The following TMX2 variants were observed in gnomAD, a reference collection of about 807,000 sequenced individuals.
TMX2 encodes the protein thioredoxin related transmembrane protein 2.
Under a neutral mutation model 33.4 loss-of-function variants are expected in TMX2, and 20 were observed. That is an observed-to-expected ratio of 0.60 (90% CI 0.42 to 0.87). The LOEUF (loss-of-function observed/expected upper bound fraction) is 0.87, where lower values mean the gene tolerates loss of function less well. TMX2 is among the 40% of genes least tolerant of loss of function. The pLI, the probability that TMX2 is intolerant of heterozygous loss-of-function variation, is 0.00. For synonymous variants in TMX2, 166 were observed against 140.7 expected, an observed-to-expected ratio of 1.18 and a Z score of -1.27; for missense variants, 340 against 370.7, an observed-to-expected ratio of 0.92 and a Z score of 0.68.
Position 57,740,251 on chromosome 11 carries a change from T to A in TMX2, c.*6T>A. 6.3e-7 allele frequency: 1 copy of A among 1,583,164 alleles called. No individual in the cohort carries two copies. Among genetic ancestry groups the A allele is most frequent in the South Asian group, 1.2e-5 (1 of 86,344 alleles). On this transcript the variant is annotated 3_prime_UTR_variant, in exon 8 of 8. Coordinates refer to ENST00000278422, the MANE Select transcript of TMX2 (RefSeq NM_015959.4). ...AAAACAAGAAGGATAAATAAGATCC[T>A]CACTTTGGCAGTGCTTCCTCTCCTG... is the stretch of plus-strand genomic sequence containing the variant.
chr11:57,718,570 T>G, intron 1 of TMX2: 1 of 615,070 alleles, frequency 1.6e-6, no homozygotes, highest in Non-Finnish European at 3.0e-6. Context: ...CAGCAAAGCC[T>G]CTTTGCCCAA....
chr11:57,738,203 CTG>C lies in TMX2; in HGVS notation c.365-149_365-148del, dbSNP rs1948868330. On this transcript the variant is annotated intron_variant, in intron 3 of 7. Transcript: ENST00000278422. Reference sequence around the variant, plus strand: ...CTCAGATGATAACAGTTTACAGAGACTGTTATTGTAGAGGTAGGGAATGTGTT... The same window carrying C: ...CTCAGATGATAACAGTTTACAGAGACTTATTGTAGAGGTAGGGAATGTGTT... The C allele has an allele frequency of 5.4e-6, 4 of 745,138 alleles. No homozygotes were observed. The South Asian group carries it at 6.9e-5, about 13-fold the overall frequency. The allele number at this position is 745,138 out of a possible 1,614,324, so 46.2% of individuals were successfully genotyped here.
intron 4 of TMX2, 36 bp downstream of exon 4, chr11:57,738,466 C>G: frequency 1.3e-6 from 2 of 1,516,834 alleles, no homozygotes; most frequent in Non-Finnish European, 1.8e-6. Flanking sequence ...TCTTGGGTCC[C>G]TTGTGGGTGA....
chr11:57,717,966 G>T, intron 1 of TMX2: 1 of 732,842 alleles, frequency 1.4e-6, no homozygotes, highest in Non-Finnish European at 2.5e-6. Flanking sequence ...AGCAAATGGG[G>T]TAGAGGGGTG....
intron 1 of TMX2, among the ~76,000 whole-genome samples, chr11:57,726,647 A>G (rs975856100): frequency 6.6e-6 from 1 of 152,196 alleles, no homozygotes; most frequent in African/African-American, 2.4e-5. Flanking sequence ...CTCCTGTGAC[A>G]AAACCTTTTC....
chr11:57,738,639 G>C, intron 4 of TMX2, 25 bp from the exon 5 acceptor site: 1 of 1,600,216 alleles, frequency 6.2e-7, no homozygotes, highest in Non-Finnish European at 8.6e-7. Context: ...GGATCCAGCT[G>C]ACTTTTCTTC....
chr11:57,738,217 G>A (rs756419512), intron 3 of TMX2, 137 bp from the exon 4 acceptor site: 103 of 759,044 alleles, frequency 1.4e-4, no homozygotes, highest in Non-Finnish European at 2.1e-4. Context: ...TATTGTAGAG[G>A]TAGGGAATGT....
intron 1 of TMX2, among the ~76,000 whole-genome samples, chr11:57,737,281 G>C (rs1179380055): frequency 6.6e-6 from 1 of 152,102 alleles, no homozygotes; most frequent in Non-Finnish European, 1.5e-5. Context: ...TTAGCCGGGT[G>C]TGGTGGCGCA....
In TMX2 at chr11:57,740,954, A is replaced by T. The variant is rs945669636; in HGVS notation, c.*709A>T. The T allele has an allele frequency of 1.3e-5, 2 of 152,246 alleles. No homozygotes were observed. Among genetic ancestry groups the T allele is most frequent in the African/African-American group, 2.4e-5 (1 of 41,458 alleles). The allele number at this position is 152,246 out of a possible 1,614,324, so 9.4% of individuals were successfully genotyped here. A position where few individuals can be genotyped will look rare whatever the true frequency, so the allele number is the denominator to read the frequency against. ...CAGTTGATGGCTTTCCGTAATAAAAAGATTGGGATTTCCTTTTGATTGCGC... is the reference window on the plus strand; with the variant it reads ...CAGTTGATGGCTTTCCGTAATAAAATGATTGGGATTTCCTTTTGATTGCGC... On this transcript the variant is annotated 3_prime_UTR_variant, in exon 8 of 8. Coordinates refer to ENST00000278422, the MANE Select transcript of TMX2 (RefSeq NM_015959.4).
At chr11:57,725,884 T>C (rs1418837805) in intron 1 of TMX2, among the ~76,000 whole-genome samples, 1 of 152,160 alleles carries the variant, frequency 6.6e-6, no homozygotes, top group Admixed American at 6.6e-5. Flanking sequence ...AATTTTCTGC[T>C]TACTATAAAA....
chr11:57,719,009 G>A (rs1947372136), intron 1 of TMX2, among the ~76,000 whole-genome samples: 1 of 143,672 alleles, frequency 7.0e-6, no homozygotes. Flanking sequence ...ACTAAAAGCT[G>A]ATATTCAGGC....
intron 1 of TMX2, among the ~76,000 whole-genome samples, chr11:57,713,152 C>T (rs567435907): frequency 6.6e-6 from 1 of 152,292 alleles, no homozygotes; most frequent in East Asian, 1.9e-4. Flanking sequence ...TATGTAAAGC[C>T]TCCTGAGGAG....
chr11:57,740,724 A>G lies in TMX2; in HGVS notation c.*479A>G, dbSNP rs1234816392. 1 of 155,318 alleles carries G rather than the reference A, an allele frequency of 6.4e-6. No homozygotes were observed. Among genetic ancestry groups the G allele is most frequent in the African/African-American group, 2.4e-5 (1 of 41,482 alleles). The allele number at this position is 155,318 out of a possible 1,614,324, so 9.6% of individuals were successfully genotyped here. A position where few individuals can be genotyped will look rare whatever the true frequency, so the allele number is the denominator to read the frequency against. ...CTGGCTTCGTTTATGGTCTTCATTA[A>G]AAGTATAAGCCTAACTTTGTCGCTA... On this transcript the variant is annotated 3_prime_UTR_variant, in exon 8 of 8. Transcript: ENST00000278422.
intron 1 of TMX2, chr11:57,718,068 A>G: frequency 2.4e-6 from 3 of 1,247,468 alleles, no homozygotes; most frequent in Non-Finnish European, 2.3e-6. Flanking sequence ...AGCAATGGTG[A>G]TCTTCTTGCT....
chr11:57,714,378 A>G (rs1401990740), intron 1 of TMX2, among the ~76,000 whole-genome samples: 1 of 152,242 alleles, frequency 6.6e-6, no homozygotes, highest in Non-Finnish European at 1.5e-5. Context: ...CTATGGAACA[A>G]GACAAACAAA....
intron 1 of TMX2, among the ~76,000 whole-genome samples, chr11:57,725,281 T>C (rs1413335791): frequency 2.0e-5 from 3 of 152,138 alleles, no homozygotes; most frequent in South Asian, 4.1e-4. Flanking sequence ...GAAACCGAAA[T>C]CATGGTATTC....
chr11:57,731,134 T>TG (rs1350843677), intron 1 of TMX2, among the ~76,000 whole-genome samples: 25,352 of 67,730 alleles, frequency 0.37, 3,378 homozygotes, highest in Non-Finnish European at 0.48. Flanking sequence ...TGTTTTTTTT[T>TG]TTTTTTTTTT....
intron 1 of TMX2, among the ~76,000 whole-genome samples, chr11:57,714,509 AT>A (rs766119569): frequency 7.2e-5 from 11 of 152,146 alleles, no homozygotes; most frequent in Non-Finnish European, 1.3e-4. Flanking sequence ...TTGTCCAAAT[AT>A]AAGCTTTTGT....
chr11:57,734,687 G>A (rs1286267186), intron 1 of TMX2, among the ~76,000 whole-genome samples: 1 of 151,976 alleles, frequency 6.6e-6, no homozygotes, highest in Admixed American at 6.6e-5. Context: ...GGCAAAGGTT[G>A]CACTGAGCTG....
Sources: allele counts gnomAD v4.1 joint callset (sites outside exome capture counted in the v4.1 genomes callset), GRCh38; gene constraint gnomAD v4.1.1; transcripts MANE v1.5; gene names NCBI Gene and HGNC (gene_info 2026-07-23, HGNC 2026-07-21).